The following DTX1 variants were observed in gnomAD, a reference collection of about 807,000 sequenced individuals.
The protein encoded by DTX1 is E3 ubiquitin-protein ligase DTX1.
In DTX1, 26 loss-of-function variants were observed where a neutral mutation model predicts 57.8. The ratio of observed to expected loss-of-function variants is 0.45; its 90% CI spans 0.33 to 0.62. The LOEUF (loss-of-function observed/expected upper bound fraction) is 0.62. Ranked by LOEUF, DTX1 falls within the 20% of genes least tolerant of loss-of-function variation. The pLI, the probability that DTX1 is intolerant of heterozygous loss-of-function variation, is 0.02. For synonymous variants in DTX1, 398 were observed against 394.1 expected (o/e 1.01, Z -0.12); for missense variants, 704 against 895.3 (o/e 0.79, Z 2.73).
rs1330832031 is a variant in DTX1, at chr12:113,077,383, A to ACGCC, written c.260-37_260-34dup. ...CCCGCCCTTCCAGCCGCGCAGACCA[A>ACGCC]CGCCCGCTGTGCTGACGCCTCCTCC... On this transcript the variant is annotated intron_variant, in intron 2 of 9. Coordinates refer to ENST00000548759, the MANE Select transcript of DTX1 (RefSeq NM_004416.3). The surrounding 1 kb of genome is among the most constrained non-coding windows in gnomAD (Gnocchi z 7.8). 27 of 1,552,824 alleles carry ACGCC rather than the reference A, an allele frequency of 1.7e-5. No individual in the cohort carries two copies. The highest frequency in any genetic ancestry group is 2.2e-5 in the Non-Finnish European group (25 of 1,156,954).
chr12:113,060,240 G>A (rs887682872), intron 2 of DTX1, among the ~76,000 whole-genome samples: 3 of 152,200 alleles, frequency 2.0e-5, no homozygotes, highest in East Asian at 1.9e-4. Context: ...GATCTCTGCT[G>A]TGTGTCAATT....
intron 3 of DTX1, among the ~76,000 whole-genome samples, chr12:113,082,947 A>T (rs1303869770): frequency 6.6e-6 from 1 of 152,190 alleles, no homozygotes; most frequent in East Asian, 1.9e-4. Flanking sequence ...AGTGGTAACA[A>T]AGTAACAGCT....
In DTX1 at chr12:113,064,107, C is replaced by T. The variant is rs973373684; in HGVS notation, c.259+5656C>T. Among the ~76,000 whole-genome samples, 9 of 152,266 alleles carry T rather than the reference C, an allele frequency of 5.9e-5. No homozygotes were observed. The East Asian group carries it at 1.7e-3, about 29-fold the overall frequency. On this transcript the variant is annotated intron_variant, in intron 2 of 9. Coordinates refer to ENST00000548759, the MANE Select transcript of DTX1 (RefSeq NM_004416.3). ...CCCAAGGCAGGGACAGCCTGCACTA[C>T]CCTGGAGGCCTCCAGGGCTCAGCTC...
At chr12:113,062,636 G>A (rs904889322) in intron 2 of DTX1, among the ~76,000 whole-genome samples, 5 of 152,118 alleles carry the variant, frequency 3.3e-5, no homozygotes, top group African/African-American at 1.2e-4. Context: ...ACCCCTTGTG[G>A]TGTGTACCAA....
intron 3 of DTX1, among the ~76,000 whole-genome samples, chr12:113,091,400 C>T (rs2468356): frequency 1.3e-5 from 2 of 151,998 alleles, no homozygotes; most frequent in African/African-American, 4.8e-5. Flanking sequence ...GTATGTTCCC[C>T]AAGTAGACGG....
chr12:113,093,843 C>T lies in DTX1; in HGVS notation c.1165+143C>T. The stretch of plus-strand genomic sequence containing the variant: ...ATCTCAGCTCCCCTTGCCCTGGCCC[C>T]ATCTTTCACCAGCTCCTGTTACAGC... On this transcript the variant is annotated intron_variant, in intron 5 of 9. Transcript: ENST00000548759. The surrounding 1 kb of genome is among the most constrained non-coding windows in gnomAD (Gnocchi z 4.2). The T allele has an allele frequency of 3.5e-6, 5 of 1,423,856 alleles. No individual in the cohort carries two copies. Among genetic ancestry groups the T allele is most frequent in the Non-Finnish European group, 4.8e-6 (5 of 1,043,240 alleles). The allele number at this position is 1,423,856 out of a possible 1,614,324, so 88.2% of individuals were successfully genotyped here. A position where few individuals can be genotyped will look rare whatever the true frequency, so the allele number is the denominator to read the frequency against.
At chr12:113,083,265 G>C (rs541089190) in intron 3 of DTX1, among the ~76,000 whole-genome samples, 1 of 152,140 alleles carries the variant, frequency 6.6e-6, no homozygotes, top group East Asian at 1.9e-4. Context: ...TTCAACACAT[G>C]ACTTCTTTGG....
chr12:113,074,637 A>T (rs1364603978), intron 2 of DTX1, among the ~76,000 whole-genome samples: 2 of 152,218 alleles, frequency 1.3e-5, no homozygotes, highest in African/African-American at 4.8e-5. Flanking sequence ...ATGTGATCTG[A>T]CTTGCATTGA....
rs769560618 is a variant in DTX1, at chr12:113,096,796, A to G, written c.1720A>G (p.Thr574Ala). 1 of 1,613,796 alleles carries G rather than the reference A, an allele frequency of 6.2e-7. No homozygotes were observed. The highest frequency in any genetic ancestry group is 2.2e-5 in the East Asian group (1 of 44,860). ...GTCCAACACCACGGGCGAGTCGGACACCGTGGTGTGGAACGAGATCCACCA... is the reference window on the plus strand; with the variant it reads ...GTCCAACACCACGGGCGAGTCGGACGCCGTGGTGTGGAACGAGATCCACCA... ...GTSNTTGESDTVVWNEIHHKT... is the reference protein window; with the variant it reads ...GTSNTTGESDAVVWNEIHHKT... The change falls in exon 10 of 10, where the codon ACC becomes GCC. Residue 574 changes from threonine to alanine, a missense_variant. Physicochemically the swap from Thr to Ala is moderately conservative, Grantham distance 58 (BLOSUM62 0). Coordinates refer to ENST00000548759, the MANE Select transcript of DTX1 (RefSeq NM_004416.3).
chr12:113,057,198 C>T (rs59863042), intron 1 of DTX1, among the ~76,000 whole-genome samples: 8 of 151,986 alleles, frequency 5.3e-5, no homozygotes, highest in African/African-American at 1.9e-4. Context: ...GCGAGGGCCC[C>T]GGGGGAAGGG....
chr12:113,096,940 G>A lies in DTX1; in HGVS notation c.*1G>A, dbSNP rs1339816845. The stretch of plus-strand genomic sequence containing the variant: ...ATCCGAGGCTGCAGCCAAGGCTTGA[G>A]GCCCAAGGCTGCCCACCTTCCCTCC... On this transcript the variant is annotated 3_prime_UTR_variant, in exon 10 of 10. Coordinates refer to ENST00000548759, the MANE Select transcript of DTX1 (RefSeq NM_004416.3). The A allele has an allele frequency of 6.2e-7, 1 of 1,607,562 alleles. No individual in the cohort carries two copies. The highest frequency in any genetic ancestry group is 8.5e-7 in the Non-Finnish European group (1 of 1,178,386).
intron 2 of DTX1, among the ~76,000 whole-genome samples, chr12:113,065,806 C>G (rs540537761): frequency 9.9e-5 from 15 of 151,014 alleles, no homozygotes; most frequent in African/African-American, 3.7e-4. Context: ...GGGGAGGCCA[C>G]GGGGAGGCCA....
At chr12:113,065,311 G>T (rs2044696551) in intron 2 of DTX1, among the ~76,000 whole-genome samples, 1 of 152,204 alleles carries the variant, frequency 6.6e-6, no homozygotes, top group Non-Finnish European at 1.5e-5. Context: ...AGGGTGGGGA[G>T]CCGCCTGCCG....
chr12:113,086,126 G>A (rs1021495344), intron 3 of DTX1, among the ~76,000 whole-genome samples: 9 of 152,042 alleles, frequency 5.9e-5, no homozygotes, highest in African/African-American at 1.9e-4. Context: ...AAATTAGCTG[G>A]GTGCGGTGGT....
rs983826611 is a variant in DTX1 at position 113,078,122 on chromosome 12, G to T, written c.941+17G>T. ...CCCGCCGGGGTAAGACGGGGCCCAGGGGGAGGGGGCCTCTGCGTCGTCCGC... is the reference window on the plus strand; with the variant it reads ...CCCGCCGGGGTAAGACGGGGCCCAGTGGGAGGGGGCCTCTGCGTCGTCCGC... On this transcript the variant is annotated intron_variant, in intron 3 of 9. Coordinates refer to ENST00000548759, the MANE Select transcript of DTX1 (RefSeq NM_004416.3). 1.5e-6 allele frequency: 2 copies of T among 1,350,146 alleles called. No individual in the cohort carries two copies. The highest frequency in any genetic ancestry group is 3.1e-5 in the East Asian group (1 of 31,966). 83.6% of individuals were successfully genotyped at this position (1,350,146 alleles called of 1,614,324 possible). A position where few individuals can be genotyped will look rare whatever the true frequency, so the allele number is the denominator to read the frequency against.
chr12:113,088,884 G>A (rs1247537525), intron 3 of DTX1, among the ~76,000 whole-genome samples: 1 of 151,984 alleles, frequency 6.6e-6, no homozygotes. Flanking sequence ...GTGTGGTGGT[G>A]TGTGCCAGTA....
Position 113,097,151 on chromosome 12 carries a change from CAG to C in DTX1, c.*217_*218del. 1 of 593,730 alleles carries C rather than the reference CAG, an allele frequency of 1.7e-6. No homozygotes were observed. The highest frequency in any genetic ancestry group is 3.0e-6 in the Non-Finnish European group (1 of 338,242). The allele number at this position is 593,730 out of a possible 1,614,324, so 36.8% of individuals were successfully genotyped here. On this transcript the variant is annotated 3_prime_UTR_variant, in exon 10 of 10. Transcript: ENST00000548759. ...ATCATAGCTCCCTGAGAGGGCCAAG[CAG>C]AGAGTACTGGAAACCTCCCTACCAA... is the stretch of plus-strand genomic sequence containing the variant.
chr12:113,088,505 T>C (rs1344497209), intron 3 of DTX1, among the ~76,000 whole-genome samples: 1 of 152,244 alleles, frequency 6.6e-6, no homozygotes, highest in Non-Finnish European at 1.5e-5. Flanking sequence ...ATATATCTAA[T>C]GTAAATGATG....
intron 2 of DTX1, among the ~76,000 whole-genome samples, chr12:113,065,963 T>C (rs2044701085): frequency 6.6e-6 from 1 of 152,140 alleles, no homozygotes; most frequent in Admixed American, 6.5e-5. Context: ...GCCCGCCACC[T>C]CTGTCTCTCC....
Sources: allele counts gnomAD v4.1 joint callset (sites outside exome capture counted in the v4.1 genomes callset), GRCh38; gene constraint gnomAD v4.1.1; non-coding constraint Gnocchi (gnomAD v3.1); transcripts MANE v1.5; gene names NCBI Gene and HGNC (gene_info 2026-07-23, HGNC 2026-07-21).